ZNF124: variants seen among roughly 807,000 people sequenced by gnomAD.
ZNF124 encodes the protein zinc finger protein 124, also known as zinc finger protein HZF-16.
ZNF124 carries 25 observed loss-of-function variants against 26.6 expected under a neutral mutation model. The ratio of observed to expected loss-of-function variants is 0.94; its 90% CI spans 0.68 to 1.31. The LOEUF is 1.31. Ranked by LOEUF, ZNF124 falls within the 40% of genes most tolerant of loss-of-function variation. The probability of loss-of-function intolerance (pLI) is 0.00; values close to 1 mark genes in which losing one functional copy is unlikely to be tolerated. For missense variants in ZNF124, 444 were observed against 422.2 expected (o/e 1.05, Z -0.45); for synonymous variants, 129 against 133.3 (o/e 0.97, Z 0.22).
chr1:247,140,351 A>G (rs987871570), intron 3 of ZNF124, among the ~76,000 whole-genome samples: 7 of 152,036 alleles, frequency 4.6e-5, no homozygotes, highest in African/African-American at 1.2e-4. Context: ...GCTCTTTTTT[A>G]TATCAGTTAT....
intron 3 of ZNF124, among the ~76,000 whole-genome samples, chr1:247,132,933 C>A (rs1192049458): frequency 3.3e-5 from 5 of 152,178 alleles, no homozygotes; most frequent in African/African-American, 1.2e-4. Context: ...CGCAAGTCTG[C>A]TGAAGTTCCC....
At chr1:247,139,696 T>C (rs1438187223) in intron 3 of ZNF124, among the ~76,000 whole-genome samples, 6 of 152,194 alleles carry the variant, frequency 3.9e-5, no homozygotes, top group African/African-American at 1.4e-4. Context: ...CTGGTGGTAA[T>C]GAACTCCCTC....
downstream of ZNF124, among the ~76,000 whole-genome samples, chr1:247,152,050 C>T (rs1445628478): frequency 2.2e-5 from 3 of 133,404 alleles, no homozygotes; most frequent in Non-Finnish European, 4.8e-5. Flanking sequence ...TTCCCCACCC[C>T]CCGCTTTTTT....
intron 1 of ZNF124, among the ~76,000 whole-genome samples, chr1:247,162,773 G>GT (rs1673559772): frequency 6.6e-6 from 1 of 152,068 alleles, no homozygotes; most frequent in Non-Finnish European, 1.5e-5. Context: ...CCCAACACAA[G>GT]AGCACTCAGA....
chr1:247,138,143 GAC>G (rs564300493), intron 3 of ZNF124: 171 of 152,200 alleles, frequency 1.1e-3, no homozygotes, highest in African/African-American at 4.0e-3. Flanking sequence ...CTACTATAAA[GAC>G]ACGTGCACAC....
intron 3 of ZNF124, among the ~76,000 whole-genome samples, chr1:247,145,267 T>A (rs1672732664): frequency 6.6e-6 from 1 of 152,176 alleles, no homozygotes; most frequent in African/African-American, 2.4e-5. Flanking sequence ...AATCAGCCAA[T>A]TTTTAGTAGA....
chr1:247,165,158 G>C (rs1234596100), intron 1 of ZNF124, among the ~76,000 whole-genome samples: 2 of 152,120 alleles, frequency 1.3e-5, no homozygotes, highest in Admixed American at 1.3e-4. Flanking sequence ...AGTAGAGACA[G>C]GGTTTCACCG....
downstream of ZNF124, among the ~76,000 whole-genome samples, chr1:247,152,743 A>C (rs954862545): frequency 1.3e-5 from 2 of 152,204 alleles, no homozygotes; most frequent in Admixed American, 1.3e-4. Context: ...GTGAGTATAT[A>C]CTGTCAGTTT....
chr1:247,156,832 A>G lies in ZNF124; in HGVS notation c.790T>C (p.Cys264Arg), dbSNP rs779937434. 34 of 1,614,070 alleles carry G rather than the reference A, an allele frequency of 2.1e-5. No homozygotes were observed. The highest frequency in any genetic ancestry group is 3.3e-5 in the Admixed American group (2 of 60,008). The change falls in exon 4 of 4, where the codon TGT becomes CGT. Residue 264 changes from cysteine (C) to arginine (R), a missense_variant. Coordinates refer to ENST00000543802, the MANE Select transcript of ZNF124 (RefSeq NM_001297568.2). ...KAHAGEEPYP[C>R]KQCGKAFRYA... ...CTGAAGGCTTTCCCACATTGCTTACATGGATAGGGTTCTTCACCAGCATGA... is the reference window on the plus strand; with the variant it reads ...CTGAAGGCTTTCCCACATTGCTTACGTGGATAGGGTTCTTCACCAGCATGA...
In ZNF124 at chr1:247,155,755, G is replaced by A; in HGVS notation, c.*811C>T. 2 of 223,996 alleles carry A rather than the reference G, an allele frequency of 8.9e-6. No individual in the cohort carries two copies. Among genetic ancestry groups the A allele is most frequent in the Non-Finnish European group, 1.5e-5 (2 of 133,994 alleles). 13.9% of individuals were successfully genotyped at this position (223,996 alleles called of 1,614,324 possible). A position where few individuals can be genotyped will look rare whatever the true frequency, so the allele number is the denominator to read the frequency against. The stretch of plus-strand genomic sequence containing the variant: ...AGGCACCTGTAGTCCCAGCTACTCA[G>A]GAGGCTGAGGCAGGAGAATGGCGTG... On this transcript the variant is annotated 3_prime_UTR_variant, in exon 4 of 4. Transcript: ENST00000543802.
At chr1:247,131,390 T>C (rs1423031527) in intron 3 of ZNF124, among the ~76,000 whole-genome samples, 1 of 152,078 alleles carries the variant, frequency 6.6e-6, no homozygotes, top group Non-Finnish European at 1.5e-5. Flanking sequence ...TCTTACAGCC[T>C]TTCAGCTGGA....
At chr1:247,164,231 G>T (rs1300721620) in intron 1 of ZNF124, among the ~76,000 whole-genome samples, 1 of 152,100 alleles carries the variant, frequency 6.6e-6, no homozygotes, top group Non-Finnish European at 1.5e-5. Context: ...TTGAGAACTG[G>T]AACAAGGCAA....
At chr1:247,160,717 G>A (rs1276468591) in intron 1 of ZNF124, among the ~76,000 whole-genome samples, 1 of 152,166 alleles carries the variant, frequency 6.6e-6, no homozygotes, top group Non-Finnish European at 1.5e-5. Context: ...AACACACTCT[G>A]AGCACTGAGT....
intron 3 of ZNF124, among the ~76,000 whole-genome samples, chr1:247,142,838 TGTC>T (rs1238356701): frequency 2.3e-5 from 3 of 132,060 alleles, no homozygotes; most frequent in African/African-American, 9.6e-5. Flanking sequence ...ATACAGGTAT[TGTC>T]TTTTTTTTTT....
At chr1:247,131,695 C>T (rs1338416525) in intron 3 of ZNF124, among the ~76,000 whole-genome samples, 1 of 152,194 alleles carries the variant, frequency 6.6e-6, no homozygotes, top group African/African-American at 2.4e-5. Flanking sequence ...CTCTTCAGGC[C>T]TAATCCCTTC....
intron 3 of ZNF124, among the ~76,000 whole-genome samples, chr1:247,143,938 T>G (rs1572067475): frequency 2.7e-5 from 4 of 148,760 alleles, no homozygotes; most frequent in Admixed American, 2.7e-4. Context: ...TAAGCATGCA[T>G]GCTCAATAAA....
chr1:247,147,236 T>C (rs1297649380), intron 3 of ZNF124, among the ~76,000 whole-genome samples: 1 of 151,210 alleles, frequency 6.6e-6, no homozygotes, highest in Non-Finnish European at 1.5e-5. Flanking sequence ...AACTTTTTTT[T>C]TTTTTTTTGA....
chr1:247,157,083 C>T lies in ZNF124; in HGVS notation c.539G>A (p.Cys180Tyr). Residue 180 changes from cysteine (C) to tyrosine (Y), a missense_variant, in exon 4 of 4, where the codon TGT becomes TAT. Cys to Tyr is a radical substitution (Grantham distance 194, BLOSUM62 -2). Transcript: ENST00000543802. Reference sequence around the variant, plus strand: ...ACTGAAGGCTTTCCCACATTGCTTACATTCATAGCGTTTTTCTCCAGTGTG... The same window carrying T: ...ACTGAAGGCTTTCCCACATTGCTTATATTCATAGCGTTTTTCTCCAGTGTG... Reference protein sequence around the residue: ...RIHTGEKRYECKQCGKAFSRS... With the variant: ...RIHTGEKRYEYKQCGKAFSRS... 1 of 1,614,130 alleles carries T rather than the reference C, an allele frequency of 6.2e-7. No homozygotes were observed. The highest frequency in any genetic ancestry group is 8.5e-7 in the Non-Finnish European group (1 of 1,179,998).
chr1:247,132,585 C>T (rs1448080742), intron 3 of ZNF124, among the ~76,000 whole-genome samples: 1 of 152,190 alleles, frequency 6.6e-6, no homozygotes, highest in African/African-American at 2.4e-5. Flanking sequence ...CTCATATTGT[C>T]TTATGCCCAA....
Sources: allele counts gnomAD v4.1 joint callset (sites outside exome capture counted in the v4.1 genomes callset), GRCh38; gene constraint gnomAD v4.1.1; transcripts MANE v1.5; gene names NCBI Gene and HGNC (gene_info 2026-07-23, HGNC 2026-07-21).